LUZP2: variants seen among roughly 807,000 people sequenced by gnomAD.
LUZP2 encodes the protein leucine zipper protein 2.
Under a neutral mutation model 51.6 loss-of-function variants are expected in LUZP2, and 52 were observed. The ratio of observed to expected loss-of-function variants is 1.01; its 90% CI spans 0.81 to 1.27. The LOEUF (loss-of-function observed/expected upper bound fraction) is 1.27, where lower values mean the gene tolerates loss of function less well. LUZP2 is among the 50% of genes most tolerant of loss of function. The probability of loss-of-function intolerance (pLI) is 0.00; values close to 1 mark genes in which losing one functional copy is unlikely to be tolerated. For synonymous variants in LUZP2, 154 were observed against 137.3 expected (o/e 1.12, Z -0.85); for missense variants, 436 against 395.4 (o/e 1.10, Z -0.87).
intron 7 of LUZP2, among the ~76,000 whole-genome samples, chr11:24,920,908 T>C (rs1378312949): frequency 6.6e-6 from 1 of 152,050 alleles, no homozygotes; most frequent in Non-Finnish European, 1.5e-5. Flanking sequence ...AATATATTCA[T>C]GTAACAAAAT....
chr11:24,515,680 G>A (rs79507787), intron 1 of LUZP2, among the ~76,000 whole-genome samples: 4,167 of 152,132 alleles, frequency 0.027, 81 homozygotes, highest in South Asian at 0.089. Flanking sequence ...ACAAATTCCA[G>A]GAAGAGAATA....
At chr11:25,037,290 G>A (rs1590862974) in intron 9 of LUZP2, among the ~76,000 whole-genome samples, 1 of 151,778 alleles carries the variant, frequency 6.6e-6, no homozygotes, top group South Asian at 2.1e-4. Flanking sequence ...GCTCTTTTTT[G>A]TTTCCCATTC....
At chr11:24,579,746 G>A (rs1245987803) in intron 1 of LUZP2, among the ~76,000 whole-genome samples, 2 of 151,996 alleles carry the variant, frequency 1.3e-5, no homozygotes, top group Non-Finnish European at 2.9e-5. Flanking sequence ...AATTTACACA[G>A]AATACAAAGA....
At chr11:25,063,445 C>T (rs1858906980) in intron 10 of LUZP2, among the ~76,000 whole-genome samples, 1 of 151,608 alleles carries the variant, frequency 6.6e-6, no homozygotes, top group South Asian at 2.1e-4. Context: ...TATCTTCACA[C>T]CAGCATTGTA....
At position 25,080,159 on chromosome 11, in the gene LUZP2, T is replaced by A. The variant is rs761018818; in HGVS notation, c.*1501T>A. 7 of 152,238 alleles carry A rather than the reference T, an allele frequency of 4.6e-5. No individual in the cohort carries two copies. Among genetic ancestry groups the A allele is most frequent in the Non-Finnish European group, 8.8e-5 (6 of 68,044 alleles). 9.4% of individuals were successfully genotyped at this position (152,238 alleles called of 1,614,324 possible). On this transcript the variant is annotated 3_prime_UTR_variant, in exon 12 of 12. Coordinates refer to ENST00000336930, the MANE Select transcript of LUZP2 (RefSeq NM_001009909.4). ...CAACTTAACGGTTTTTTCATGATTC[T>A]GTGAAAGCTTCATAATTTCTACATG...
intron 4 of LUZP2, among the ~76,000 whole-genome samples, chr11:24,741,841 TTATAAA>T (rs1035686066): frequency 1.4e-5 from 2 of 139,266 alleles, no homozygotes; most frequent in Admixed American, 1.5e-4. Context: ...TTATATATAT[TTATAAA>T]TATAAATATA....
At chr11:24,587,493 G>C (rs1414897976) in intron 1 of LUZP2, among the ~76,000 whole-genome samples, 1 of 152,088 alleles carries the variant, frequency 6.6e-6, no homozygotes, top group Non-Finnish European at 1.5e-5. Context: ...CTGATTTTTA[G>C]AGAAAGTTTG....
At chr11:24,581,886 G>A (rs562887815) in intron 1 of LUZP2, among the ~76,000 whole-genome samples, 15 of 151,956 alleles carry the variant, frequency 9.9e-5, no homozygotes, top group African/African-American at 1.7e-4. Flanking sequence ...ATTGATTCAC[G>A]TTCCCTGATA....
intron 9 of LUZP2, among the ~76,000 whole-genome samples, chr11:24,999,292 A>C (rs1179701759): frequency 3.3e-5 from 5 of 151,934 alleles, no homozygotes; most frequent in African/African-American, 9.7e-5. Context: ...AACCATGGGG[A>C]GATACAGATA....
chr11:24,854,233 C>G (rs371258784), intron 5 of LUZP2, among the ~76,000 whole-genome samples: 1 of 152,336 alleles, frequency 6.6e-6, no homozygotes, highest in East Asian at 1.9e-4. Flanking sequence ...TGTCCCTTCA[C>G]CCAGGTGCTC....
At chr11:24,740,199 G>A (rs182805937) in intron 4 of LUZP2, among the ~76,000 whole-genome samples, 12 of 152,198 alleles carry the variant, frequency 7.9e-5, no homozygotes, top group Admixed American at 6.6e-4. Flanking sequence ...TTCAAATAAC[G>A]TGTTTCTAGC....
At chr11:24,518,169 C>A (rs1850537713) in intron 1 of LUZP2, among the ~76,000 whole-genome samples, 1 of 151,984 alleles carries the variant, frequency 6.6e-6, no homozygotes, top group African/African-American at 2.4e-5. Flanking sequence ...TTAGGTATGA[C>A]CTCATTTAAT....
intron 10 of LUZP2, among the ~76,000 whole-genome samples, chr11:25,076,499 G>A (rs917056049): frequency 3.3e-5 from 5 of 151,546 alleles, no homozygotes; most frequent in African/African-American, 9.7e-5. Flanking sequence ...AAGGAAGAGA[G>A]GAAGGAGGAA....
intron 7 of LUZP2, among the ~76,000 whole-genome samples, chr11:24,945,125 C>A (rs1854863394): frequency 6.6e-6 from 1 of 152,124 alleles, no homozygotes; most frequent in Non-Finnish European, 1.5e-5. Flanking sequence ...CCTGAATAGA[C>A]TTCTATTTGC....
chr11:24,896,435 G>A (rs1175892010), intron 5 of LUZP2, among the ~76,000 whole-genome samples: 3 of 152,170 alleles, frequency 2.0e-5, no homozygotes, highest in Non-Finnish European at 4.4e-5. Flanking sequence ...TAGCACCTGG[G>A]CCAGCAGCTG....
chr11:24,943,470 TGCTG>T (rs1181028405), intron 7 of LUZP2, among the ~76,000 whole-genome samples: 3 of 152,200 alleles, frequency 2.0e-5, no homozygotes, highest in Non-Finnish European at 4.4e-5. Flanking sequence ...AAGTGTCCCA[TGCTG>T]GGATCTACTG....
At chr11:24,787,132 TA>T (rs1294745491) in intron 5 of LUZP2, among the ~76,000 whole-genome samples, 1 of 152,154 alleles carries the variant, frequency 6.6e-6, no homozygotes, top group Admixed American at 6.6e-5. Context: ...TACGTTTGGG[TA>T]CCCTTCTGAA....
chr11:24,972,011 A>G (rs1855751698), intron 7 of LUZP2, among the ~76,000 whole-genome samples: 1 of 151,808 alleles, frequency 6.6e-6, no homozygotes, highest in African/African-American at 2.4e-5. Flanking sequence ...GTGTGGTGGC[A>G]TGCACCTACA....
intron 10 of LUZP2, among the ~76,000 whole-genome samples, chr11:25,064,084 G>A (rs1590890075): frequency 6.8e-6 from 1 of 147,270 alleles, no homozygotes; most frequent in South Asian, 2.1e-4. Context: ...ATATTCCCAT[G>A]TCTGCTTGTT....
Sources: gnomAD v4.1 joint callset for allele counts (sites outside exome capture counted in the v4.1 genomes callset) on GRCh38, gnomAD v4.1.1 for gene constraint, MANE v1.5 for transcripts, NCBI Gene and HGNC (gene_info 2026-07-23, HGNC 2026-07-21) for gene names.